TP63: variants seen among roughly 807,000 people sequenced by gnomAD.
TP63 encodes the protein tumor protein 63.
TP63 carries 17 observed loss-of-function variants against 82.8 expected under a neutral mutation model. The ratio of observed to expected loss-of-function variants is 0.21; its 90% confidence interval spans 0.14 to 0.31. The LOEUF is 0.31. Among genes scored for constraint, TP63 ranks in the 10% least tolerant of loss-of-function variants. The pLI is 1.00. For missense variants in TP63, 648 were observed against 895.3 expected (o/e 0.72, Z 3.52); for synonymous variants, 330 against 321.7 (o/e 1.03, Z -0.28).
chr3:189,730,448 A>G (rs899279083), intron 1 of TP63, among the ~76,000 whole-genome samples: 1 of 152,070 alleles, frequency 6.6e-6, no homozygotes, highest in Non-Finnish European at 1.5e-5. Context: ...TATTCCTCTT[A>G]ACTATGAAAA....
At chr3:189,815,146 G>T (rs1728037972) in intron 4 of TP63, among the ~76,000 whole-genome samples, 1 of 150,372 alleles carries the variant, frequency 6.7e-6, no homozygotes, top group African/African-American at 2.4e-5. Flanking sequence ...TAGTTAATTT[G>T]GTTTTGTAGG....
At chr3:189,622,356 ATG>A in the TP63 span, among the ~76,000 whole-genome samples, 1 of 152,182 alleles carries the variant, frequency 6.6e-6, no homozygotes, top group Non-Finnish European at 1.5e-5. Context: ...AAAAGCAAAA[ATG>A]TGGTCATAAA....
chr3:189,685,043 C>T (rs1360804026), intron 1 of TP63, among the ~76,000 whole-genome samples: 1 of 152,144 alleles, frequency 6.6e-6, no homozygotes, highest in Non-Finnish European at 1.5e-5. Flanking sequence ...CAAAGTATGG[C>T]AGACCCTAGA....
intron 13 of TP63, among the ~76,000 whole-genome samples, chr3:189,893,876 A>C (rs1239868396): frequency 6.6e-6 from 1 of 152,092 alleles, no homozygotes; most frequent in Non-Finnish European, 1.5e-5. Context: ...TAGCCAGGTA[A>C]ATTCAAGCAT....
At chr3:189,660,190 A>C (rs1412083216) in intron 1 of TP63, among the ~76,000 whole-genome samples, 1 of 152,112 alleles carries the variant, frequency 6.6e-6, no homozygotes, top group Non-Finnish European at 1.5e-5. Context: ...TTGCAATCTT[A>C]AATTTAAATC....
At chr3:189,839,062 A>G (rs1007184241) in intron 4 of TP63, among the ~76,000 whole-genome samples, 1 of 150,822 alleles carries the variant, frequency 6.6e-6, no homozygotes, top group Non-Finnish European at 1.5e-5. Context: ...AAAAAAAAAA[A>G]AAGAAAAAGA....
At chr3:189,726,010 A>T (rs1175588931) in intron 1 of TP63, among the ~76,000 whole-genome samples, 2 of 134,794 alleles carry the variant, frequency 1.5e-5, no homozygotes, top group African/African-American at 2.8e-5. Context: ...AGCCGAGATC[A>T]TGCCATTGCA....
At position 189,728,183 on chromosome 3, in the gene TP63, AAAAG is replaced by A. The variant is rs1719907677; in HGVS notation, c.63-9556_63-9553del. On this transcript the variant is annotated intron_variant, in intron 1 of 13. Transcript: ENST00000264731. ...ATGAGTTTCGTTTATAAAAAAAAAAAAAAGGAGTAGAGATGATGAGAAATAAAGC... is the reference window on the plus strand; with the variant it reads ...ATGAGTTTCGTTTATAAAAAAAAAAAGAGTAGAGATGATGAGAAATAAAGC... Among the ~76,000 whole-genome samples the A allele has an allele frequency of 3.9e-5, 6 of 152,274 alleles. No individual in the cohort carries two copies. In the South Asian group the frequency reaches 1.2e-3, roughly 32 times the overall value.
chr3:189,820,359 A>T (rs1728676026), intron 4 of TP63, among the ~76,000 whole-genome samples: 1 of 152,200 alleles, frequency 6.6e-6, no homozygotes, highest in South Asian at 2.1e-4. Context: ...ATATTTCAGA[A>T]CTGATTTCTT....
chr3:189,850,476 A>G (rs1715480090), intron 4 of TP63, among the ~76,000 whole-genome samples: 1 of 152,204 alleles, frequency 6.6e-6, no homozygotes, highest in African/African-American at 2.4e-5. Context: ...TTCAGCCATT[A>G]AAATGAATAA....
Position 189,739,896 on chromosome 3 carries a change from T to C in TP63, c.324+1122T>C, listed in dbSNP as rs866115992. Among the ~76,000 whole-genome samples, 17 of 151,924 alleles carry C rather than the reference T, an allele frequency of 1.1e-4. No homozygotes were observed. In the Middle Eastern group the frequency reaches 0.01, roughly 91 times the overall value. ...AGCTAGACAGCGGGGTGTCATAGAG[T>C]ATCTGTTGACGAGATTAAGGGGAAT... On this transcript the variant is annotated intron_variant, in intron 3 of 13. Transcript: ENST00000264731.
At chr3:189,840,422 G>A (rs1245805969) in intron 4 of TP63, among the ~76,000 whole-genome samples, 4 of 129,600 alleles carry the variant, frequency 3.1e-5, no homozygotes, top group African/African-American at 5.9e-5. Context: ...TCCAAATTCA[G>A]GCAAACAGTA....
intron 4 of TP63, among the ~76,000 whole-genome samples, chr3:189,815,030 T>C (rs1294672951): frequency 6.6e-6 from 1 of 152,158 alleles, no homozygotes; most frequent in Non-Finnish European, 1.5e-5. Flanking sequence ...ATCCTCTGCT[T>C]TTCCCTTTTC....
intron 1 of TP63, among the ~76,000 whole-genome samples, chr3:189,674,658 C>T (rs771250038): frequency 1.3e-5 from 2 of 152,098 alleles, no homozygotes; most frequent in Non-Finnish European, 2.9e-5. Flanking sequence ...TAACTCTCTG[C>T]CTATCCAGGC....
the TP63 span, among the ~76,000 whole-genome samples, chr3:189,616,511 C>T: frequency 1.3e-5 from 2 of 152,190 alleles, no homozygotes; most frequent in African/African-American, 4.8e-5. Context: ...CACTTTCAGA[C>T]CTTTTCTACC....
chr3:189,889,870 T>C (rs932471158), intron 12 of TP63, among the ~76,000 whole-genome samples: 1 of 152,218 alleles, frequency 6.6e-6, no homozygotes, highest in African/African-American at 2.4e-5. Flanking sequence ...CTAATCCTTA[T>C]AGCTCTCAGC....
At chr3:189,817,782 T>A (rs535035916) in intron 4 of TP63, among the ~76,000 whole-genome samples, 26 of 152,152 alleles carry the variant, frequency 1.7e-4, no homozygotes, top group African/African-American at 6.3e-4. Flanking sequence ...AATGTTTAAT[T>A]GAATCTTATA....
upstream of TP63, among the ~76,000 whole-genome samples, chr3:189,630,373 C>T (rs1276894915): frequency 6.6e-6 from 1 of 151,344 alleles, no homozygotes; most frequent in African/African-American, 2.4e-5. Context: ...ATCCACAAAA[C>T]CAGGATAAGT....
At chr3:189,872,074 G>C (rs1560284604) in intron 9 of TP63, among the ~76,000 whole-genome samples, 1 of 152,190 alleles carries the variant, frequency 6.6e-6, no homozygotes, top group Non-Finnish European at 1.5e-5. Flanking sequence ...CTCTTAAAGA[G>C]AGAAACATAT....
Sources: allele counts gnomAD v4.1 joint callset (sites outside exome capture counted in the v4.1 genomes callset), GRCh38; gene constraint gnomAD v4.1.1; transcripts MANE v1.5; gene names NCBI Gene and HGNC (gene_info 2026-07-23, HGNC 2026-07-21).